CDK13: variants seen among roughly 807,000 people sequenced by gnomAD.
CDK13 encodes cyclin dependent kinase 13, also known as cyclin-dependent kinase 13.
CDK13 carries 40 observed loss-of-function variants against 137.6 expected under a neutral mutation model. The observed-to-expected ratio is 0.29, with a 90% CI of 0.23 to 0.38. CDK13 has a LOEUF of 0.38. CDK13 is among the 10% of genes least tolerant of loss of function. The pLI is 1.00. For synonymous variants in CDK13, 869 were observed against 760.1 expected, an observed-to-expected ratio of 1.14 and a Z score of -2.36; for missense variants, 1,704 against 1,951.8, an observed-to-expected ratio of 0.87 and a Z score of 2.39.
chr7:39,978,761 C>T (rs1432909032), intron 1 of CDK13, among the ~76,000 whole-genome samples: 2 of 152,170 alleles, frequency 1.3e-5, no homozygotes, highest in African/African-American at 4.8e-5. Context: ...GACAAGCTCA[C>T]AATTGGTGCT....
chr7:40,048,120 T>C, intron 7 of CDK13: 1 of 337,446 alleles, frequency 3.0e-6, no homozygotes, highest in South Asian at 9.9e-5. Flanking sequence ...TGAACATCTT[T>C]AAGTGTAACT....
chr7:39,950,962 C>G lies in CDK13; in HGVS notation c.321C>G (p.Arg107=), dbSNP rs1480774116. 1.5e-6 allele frequency: 2 copies of G among 1,314,442 alleles called. No individual in the cohort carries two copies. The highest frequency in any genetic ancestry group is 2.2e-5 in the South Asian group (1 of 44,932). 81.4% of individuals were successfully genotyped at this position (1,314,442 alleles called of 1,614,324 possible). The change falls in exon 1 of 14, where the codon CGC becomes CGG. Residue 107 remains arginine (R), a synonymous_variant. Coordinates refer to ENST00000181839, the MANE Select transcript of CDK13 (RefSeq NM_003718.5). ...RRAGGRQKRR[R]GPRAGQEAEK... ...CAGGAGGGCGGCAGAAGCGGCGTCG[C>G]GGGCCCCGCGCCGGGCAGGAGGCGG...
intron 1 of CDK13, among the ~76,000 whole-genome samples, chr7:39,963,550 T>C (rs1082030): frequency 0.45 from 68,428 of 152,064 alleles, 17,559 homozygotes; most frequent in East Asian, 0.63. Context: ...TTTCTAGATA[T>C]ACAATCATGT....
intron 10 of CDK13, 108 bp downstream of exon 10, chr7:40,078,229 T>A (rs1786589095): frequency 9.7e-6 from 5 of 516,786 alleles, no homozygotes; most frequent in Non-Finnish European, 1.4e-5. Context: ...AACCTATAAT[T>A]CTTCTAGGGC....
intron 5 of CDK13, 149 bp from the exon 6 acceptor site, chr7:40,045,687 G>A: frequency 1.9e-6 from 1 of 536,734 alleles, no homozygotes; most frequent in South Asian, 2.6e-5. Context: ...TAAGTCCAGA[G>A]AGAAAGATGA....
intron 5 of CDK13, among the ~76,000 whole-genome samples, chr7:40,011,665 TA>T (rs1784897262): frequency 6.6e-6 from 1 of 152,052 alleles, no homozygotes; most frequent in African/African-American, 2.4e-5. Flanking sequence ...ATGTAAGCAC[TA>T]AAACCATAAA....
At chr7:40,086,798 C>A (rs1243660239) in intron 11 of CDK13, among the ~76,000 whole-genome samples, 3 of 147,558 alleles carry the variant, frequency 2.0e-5, no homozygotes, top group African/African-American at 7.4e-5. Flanking sequence ...ATGTTATGTT[C>A]TAGCCTTACT....
Position 40,055,404 on chromosome 7 carries a change from A to G in CDK13, c.2601-7422A>G, listed in dbSNP as rs528483213. 1.3e-4 allele frequency among the ~76,000 whole-genome samples: 20 copies of G among 152,282 alleles called. 2 individuals are homozygous for G. In the South Asian group the frequency reaches 4.1e-3, roughly 32 times the overall value. ...AAATACTGGGTATAGACACACCACA[A>G]GAATGTAATTTGTTTTTTAATCCAT... is the stretch of plus-strand genomic sequence containing the variant. On this transcript the variant is annotated intron_variant, in intron 7 of 13. Transcript: ENST00000181839.
intron 5 of CDK13, among the ~76,000 whole-genome samples, chr7:40,004,047 C>A (rs144173714): frequency 0.013 from 2,032 of 152,262 alleles, 106 homozygotes; most frequent in Admixed American, 0.093. Context: ...CACTGTTGTG[C>A]CTCCTACCTA....
chr7:39,999,617 T>C (rs1784641578), intron 4 of CDK13, 117 bp downstream of exon 4: 1 of 1,021,798 alleles, frequency 9.8e-7, no homozygotes, highest in South Asian at 1.7e-5. Flanking sequence ...TTTATTGTGC[T>C]TTTGTTTCAT....
intron 1 of CDK13, chr7:39,985,494 G>A (rs1336360038): frequency 2.6e-5 from 4 of 152,056 alleles, no homozygotes; most frequent in Admixed American, 2.6e-4. Context: ...GTACCTAGGA[G>A]TGGGATTGCC....
chr7:40,086,106 T>C (rs913790471), intron 11 of CDK13, among the ~76,000 whole-genome samples: 1 of 152,234 alleles, frequency 6.6e-6, no homozygotes, highest in Admixed American at 6.5e-5. Context: ...CGCGTCATGC[T>C]GTTTGTAATA....
chr7:39,998,634 AAAAT>A (rs1554326628), intron 3 of CDK13: 4 of 151,918 alleles, frequency 2.6e-5, no homozygotes, highest in Non-Finnish European at 5.9e-5. Context: ...AAAATAAGAT[AAAAT>A]AAAATAGCTA....
At position 40,094,457 on chromosome 7, in the gene CDK13, T is replaced by A. The variant is rs1246652640; in HGVS notation, c.4016T>A (p.Phe1339Tyr). The A allele has an allele frequency of 2.5e-6, 4 of 1,613,898 alleles. No individual in the cohort carries two copies. Among genetic ancestry groups the A allele is most frequent in the African/African-American group, 2.7e-5 (2 of 75,024 alleles). Residue 1339 changes from phenylalanine to tyrosine, a missense_variant, in exon 14 of 14, where the codon TTT (phenylalanine) becomes TAT (tyrosine). Transcript: ENST00000181839. Reference sequence around the variant, plus strand: ...TCCACTTCAGACTACAAGGACAACTTTGGATCCTCTTCTTTCTCTTCTGCT... The same window carrying A: ...TCCACTTCAGACTACAAGGACAACTATGGATCCTCTTCTTTCTCTTCTGCT... Reference protein sequence around the residue: ...YVSTSDYKDNFGSSSFSSAPY... With the variant: ...YVSTSDYKDNYGSSSFSSAPY...
intron 5 of CDK13, among the ~76,000 whole-genome samples, chr7:40,038,564 C>CT (rs1218053252): frequency 7.9e-5 from 12 of 151,846 alleles, no homozygotes; most frequent in East Asian, 3.9e-4. Flanking sequence ...CTTCAGAGGG[C>CT]TTTTTTTTGT....
intron 2 of CDK13, among the ~76,000 whole-genome samples, chr7:39,992,685 C>T (rs540376670): frequency 6.6e-6 from 1 of 151,974 alleles, no homozygotes; most frequent in Non-Finnish European, 1.5e-5. Flanking sequence ...ACCCCCTGCC[C>T]CCAGCCCTAT....
chr7:40,048,021 A>G (rs2150517198), intron 7 of CDK13, 144 bp downstream of exon 7: 2 of 509,172 alleles, frequency 3.9e-6, no homozygotes, highest in Non-Finnish European at 7.0e-6. Flanking sequence ...ATTTTATACC[A>G]TATTGGGTTG....
chr7:39,989,148 A>G (rs947404861), intron 2 of CDK13, among the ~76,000 whole-genome samples: 2 of 147,798 alleles, frequency 1.4e-5, no homozygotes, highest in African/African-American at 2.4e-5. Context: ...TTCCTTTAAG[A>G]TGTTTAAAAA....
chr7:40,070,994 C>T (rs1745948237), intron 9 of CDK13: 1 of 152,120 alleles, frequency 6.6e-6, no homozygotes, highest in Admixed American at 6.6e-5. Flanking sequence ...CTATCTGCCA[C>T]CTCACCCAGT....
Sources: allele counts gnomAD v4.1 joint callset (sites outside exome capture counted in the v4.1 genomes callset), GRCh38; gene constraint gnomAD v4.1.1; transcripts MANE v1.5; gene names NCBI Gene and HGNC (gene_info 2026-07-23, HGNC 2026-07-21).